TJAP1: variants seen among roughly 807,000 people sequenced by gnomAD.
The protein encoded by TJAP1 is tight junction associated protein 1.
In TJAP1, 27 loss-of-function variants were observed where a neutral mutation model predicts 42.0. That is an observed-to-expected ratio of 0.64 (90% CI 0.47 to 0.89). The LOEUF is 0.89. TJAP1 is among the 40% of genes least tolerant of loss of function. The pLI, the probability that TJAP1 is intolerant of heterozygous loss-of-function variation, is 0.00. For missense variants in TJAP1, 712 were observed against 726.9 expected (o/e 0.98, Z 0.24); for synonymous variants, 257 against 288.4 (o/e 0.89, Z 1.10).
Position 43,491,299 on chromosome 6 carries a change from G to T in TJAP1, c.-121-6582G>T, listed in dbSNP as rs963966558. Among the ~76,000 whole-genome samples the T allele has an allele frequency of 7.9e-5, 12 of 152,000 alleles. No homozygotes were observed. The highest frequency in any genetic ancestry group is 9.6e-5 in the African/African-American group (4 of 41,482). ...CAGAAATATCTGTTTGTTTTTTTGG[G>T]TTTTTTTTGAGACAGAGTTTCGCTC... On this transcript the variant is annotated intron_variant, in intron 2 of 10. Transcript: ENST00000372449. This position sits in a 1 kb window ranked among gnomAD's most constrained non-coding sequence, Gnocchi z 4.6.
At chr6:43,503,677 T>G in exon 10 of TJAP1, 2 of 1,614,104 alleles carry the variant, frequency 1.2e-6, no homozygotes. Context: ...GTGCAACAAG[T>G]CCCACTTCCG....
At position 43,505,217 on chromosome 6, in the gene TJAP1, C is replaced by G. The variant is rs766256013; in HGVS notation, c.1036C>G (p.Pro346Ala). The G allele has an allele frequency of 3.1e-6, 5 of 1,614,174 alleles. No individual in the cohort carries two copies. In the South Asian group the frequency reaches 5.5e-5, roughly 18 times the overall value. Reference sequence around the variant, plus strand: ...TAAGGTTCGGATCCCCCGCAACAGCCCCCTGCCCAACTGCACTTACGCTAC... The same window carrying G: ...TAAGGTTCGGATCCCCCGCAACAGCGCCCTGCCCAACTGCACTTACGCTAC... Residue 346 changes from proline to alanine, a missense_variant, in exon 11 of 11, where the codon CCC becomes GCC. Physicochemically the swap from Pro to Ala is conservative, Grantham distance 27. Transcript: ENST00000372449. This position sits in a 1 kb window ranked among gnomAD's most constrained non-coding sequence, Gnocchi z 5.5.
chr6:43,492,605 G>A lies in TJAP1; in HGVS notation c.-121-5276G>A, dbSNP rs572266398. The stretch of plus-strand genomic sequence containing the variant: ...CCCCGGAGACGATGTGGGCGAGGCC[G>A]AACCCAGTTTTGGTGGGATCAGCCC... On this transcript the variant is annotated intron_variant, in intron 2 of 10. Transcript: ENST00000372449. The surrounding 1 kb of genome is among the most constrained non-coding windows in gnomAD (Gnocchi z 4.2). Among the ~76,000 whole-genome samples, 6 of 152,328 alleles carry A rather than the reference G, an allele frequency of 3.9e-5. No individual in the cohort carries two copies. The highest frequency in any genetic ancestry group is 8.8e-5 in the Non-Finnish European group (6 of 68,030).
In TJAP1 at chr6:43,500,262, T is replaced by C. The variant is rs568030407; in HGVS notation, c.100-482T>C. Among the ~76,000 whole-genome samples the C allele has an allele frequency of 4.6e-5, 7 of 152,352 alleles. No individual in the cohort carries two copies. The South Asian group carries it at 8.3e-4, about 18-fold the overall frequency. The stretch of plus-strand genomic sequence containing the variant: ...AGTCAGGATTAGTCCTCTTCTCCCA[T>C]GCACTTGTTCTTCCTGAGCCTCTGC... On this transcript the variant is annotated intron_variant, in intron 4 of 10. Transcript: ENST00000372449.
At chr6:43,485,251 G>A (rs1786201601) in intron 2 of TJAP1, among the ~76,000 whole-genome samples, 1 of 152,220 alleles carries the variant, frequency 6.6e-6, no homozygotes, top group Admixed American at 6.5e-5. Context: ...TCCAGGCATT[G>A]AGGAAGCCAG....
At chr6:43,504,647 C>T in intron 10 of TJAP1, 114 bp from the exon 11 acceptor site, 2 of 1,318,708 alleles carry the variant, frequency 1.5e-6, no homozygotes, top group Non-Finnish European at 2.1e-6. Flanking sequence ...CAGGAGATAG[C>T]AGAGTGCTGA....
chr6:43,503,508 T>C (rs1791445500), exon 9 of TJAP1: 2 of 1,613,290 alleles, frequency 1.2e-6, no homozygotes, highest in Non-Finnish European at 1.7e-6. Context: ...AAGAGCTCAA[T>C]GTATGTGCGC....
At chr6:43,503,532 C>G in intron 9 of TJAP1, 24 bp downstream of exon 9, 1 of 1,610,670 alleles carries the variant, frequency 6.2e-7, no homozygotes, top group Non-Finnish European at 8.5e-7. Flanking sequence ...ACTACTCGGG[C>G]CTTCCTCACC....
Position 43,505,858 on chromosome 6 carries a change from C to T in TJAP1, c.*3C>T, listed in dbSNP as rs1309687936. ...AGCAGGGCAACCTGCTCAACTAGGG[C>T]CCCTGCTGGCCTTCCTGCCATTGCT... On this transcript the variant is annotated 3_prime_UTR_variant, in exon 11 of 11. Coordinates refer to ENST00000372449, the Ensembl canonical transcript of TJAP1. The surrounding 1 kb of genome is among the most constrained non-coding windows in gnomAD (Gnocchi z 5.5). 1.4e-6 allele frequency: 2 copies of T among 1,453,116 alleles called. No homozygotes were observed. Among genetic ancestry groups the T allele is most frequent in the Non-Finnish European group, 1.8e-6 (2 of 1,106,946 alleles). 90.0% of individuals were successfully genotyped at this position (1,453,116 alleles called of 1,614,324 possible). A position where few individuals can be genotyped will look rare whatever the true frequency, so the allele number is the denominator to read the frequency against.
At chr6:43,490,604 G>A (rs1471457248) in intron 2 of TJAP1, among the ~76,000 whole-genome samples, 1 of 152,204 alleles carries the variant, frequency 6.6e-6, no homozygotes, top group Admixed American at 6.5e-5. Flanking sequence ...TGGTTCTGGG[G>A]AATTCCCTGG....
In TJAP1 at chr6:43,503,388, G is replaced by A. The variant is rs942984980; in HGVS notation, c.388-13G>A. The A allele has an allele frequency of 1.2e-6, 2 of 1,609,270 alleles. No homozygotes were observed. The highest frequency in any genetic ancestry group is 1.7e-6 in the Non-Finnish European group (2 of 1,176,480). ...AGAGTGTGGGCTGGGTTAACCTCAA[G>A]TCTGTGCTTCAGATCAAGAAGGCTG... On this transcript the variant is annotated splice_polypyrimidine_tract_variant and intron_variant, in intron 8 of 10. Transcript: ENST00000372449.
intron 4 of TJAP1, 168 bp from the exon 5 acceptor site, chr6:43,500,576 G>A (rs1226872215): frequency 1.5e-6 from 1 of 669,178 alleles, no homozygotes; most frequent in Non-Finnish European, 2.7e-6. Context: ...GTCGAGGCTT[G>A]TCCCAGCATT....
intron 2 of TJAP1, among the ~76,000 whole-genome samples, chr6:43,484,836 C>T (rs1786096955): frequency 6.6e-6 from 1 of 152,238 alleles, no homozygotes; most frequent in Non-Finnish European, 1.5e-5. Context: ...GGCAATTCTC[C>T]TGCCTCGGCC....
intron 10 of TJAP1, chr6:43,504,138 G>C (rs1323637452): frequency 1.3e-5 from 4 of 306,046 alleles, no homozygotes; most frequent in South Asian, 1.2e-4. Context: ...TTTTTGAGAC[G>C]GAGTCTTGCT....
chr6:43,494,150 C>T (rs1003551392), intron 2 of TJAP1, among the ~76,000 whole-genome samples: 2 of 152,152 alleles, frequency 1.3e-5, no homozygotes, highest in East Asian at 3.9e-4. Flanking sequence ...ACAGGGCAGG[C>T]GGCAACAGGC....
At chr6:43,499,249 T>C (rs1789959952) in intron 4 of TJAP1, 149 bp downstream of exon 4, 1 of 1,218,290 alleles carries the variant, frequency 8.2e-7, no homozygotes. Context: ...CTAGCCGCAG[T>C]AGTGCAGGTG....
intron 2 of TJAP1, among the ~76,000 whole-genome samples, chr6:43,487,428 G>C (rs1786781876): frequency 6.6e-6 from 1 of 152,206 alleles, no homozygotes; most frequent in Admixed American, 6.5e-5. Context: ...TATTAGGGCA[G>C]AATTGTCCTG....
chr6:43,503,958 G>T (rs1251765150), intron 10 of TJAP1: 1 of 684,882 alleles, frequency 1.5e-6, no homozygotes, highest in African/African-American at 1.8e-5. Flanking sequence ...AAGATCCTGG[G>T]CAGGAAGGAG....
intron 2 of TJAP1, among the ~76,000 whole-genome samples, chr6:43,483,146 C>A (rs114867212): frequency 0.044 from 6,620 of 152,008 alleles, 211 homozygotes; most frequent in African/African-American, 0.083. Flanking sequence ...AAAAGTCTTC[C>A]CTTAGAAATG....
Sources: allele counts gnomAD v4.1 joint callset (sites outside exome capture counted in the v4.1 genomes callset), GRCh38; gene constraint gnomAD v4.1.1; non-coding constraint Gnocchi (gnomAD v3.1); transcripts MANE v1.5; gene names NCBI Gene and HGNC (gene_info 2026-07-23, HGNC 2026-07-21).